CHD6: variants seen among roughly 807,000 people sequenced by gnomAD.
The protein encoded by CHD6 is chromodomain helicase DNA binding protein 6, also known as ATP-dependent chromatin remodeler CHD6.
Under a neutral mutation model 276.9 loss-of-function variants are expected in CHD6, and 50 were observed. The observed-to-expected ratio is 0.18, with a 90% CI of 0.14 to 0.23. The LOEUF is 0.23. CHD6 is among the 10% of genes least tolerant of loss of function. The pLI is 1.00. For synonymous variants in CHD6, 1,173 were observed against 1,229.3 expected (o/e 0.95, Z 0.96); for missense variants, 2,564 against 3,365.8 (o/e 0.76, Z 5.89).
chr20:41,437,160 A>T, intron 27 of CHD6, 114 bp downstream of exon 27: 1 of 735,168 alleles, frequency 1.4e-6, no homozygotes, highest in Non-Finnish European at 2.3e-6. Context: ...GTTGGGCAAA[A>T]TGCAATGTAA....
chr20:41,487,651 G>A lies in CHD6; in HGVS notation c.2001+14C>T. ...GATCACACTGTCTCCTCAATTCTTT[G>A]GGTCCCTAATTACCTGCTCCTCTGT... On this transcript the variant is annotated intron_variant, in intron 14 of 36. Coordinates refer to ENST00000373233, the MANE Select transcript of CHD6 (RefSeq NM_032221.5). The A allele has an allele frequency of 6.3e-7, 1 of 1,590,836 alleles. No homozygotes were observed. Among genetic ancestry groups the A allele is most frequent in the Non-Finnish European group, 8.5e-7 (1 of 1,173,674 alleles).
intron 17 of CHD6, among the ~76,000 whole-genome samples, chr20:41,460,454 G>C (rs1217434775): frequency 6.6e-6 from 1 of 152,204 alleles, no homozygotes; most frequent in African/African-American, 2.4e-5. Context: ...GGAAAAAGTG[G>C]TTTTGTGGGC....
At chr20:41,448,277 C>T (rs1279870953) in intron 23 of CHD6, among the ~76,000 whole-genome samples, 1 of 152,188 alleles carries the variant, frequency 6.6e-6, no homozygotes, top group African/African-American at 2.4e-5. Flanking sequence ...GCCACAGTGA[C>T]CTCTTAGGCA....
At position 41,616,515 on chromosome 20, in the gene CHD6, G is replaced by A. The variant is rs1410022098; in HGVS notation, c.-24+1825C>T. On this transcript the variant is annotated intron_variant, in intron 1 of 36. Transcript: ENST00000373233. The stretch of plus-strand genomic sequence containing the variant: ...AGAGAGACTCCAAAGCAAACAAAAC[G>A]GTGGGGAAAGATGTGTGCAGGATAG... Among the ~76,000 whole-genome samples the A allele has an allele frequency of 3.3e-5, 5 of 152,196 alleles. No homozygotes were observed. The East Asian group carries it at 7.7e-4, about 24-fold the overall frequency.
rs1664942782 is a variant in CHD6 at position 41,473,474 on chromosome 20, G to A, written c.2512C>T (p.Arg838Cys). ...CAGAACCGGTCGATGGCTGCCTGGC[G>A]CAGGTTTCCCCGTACTCGCCCATCA... ...RIDGRVRGNL[R>C]QAAIDRFCKP... The change falls in exon 17 of 37, where the codon CGC (arginine) becomes TGC (cysteine). Residue 838 changes from arginine to cysteine, a missense_variant. Arg to Cys is a radical substitution (Grantham distance 180). Transcript: ENST00000373233. This position sits in a 1 kb window ranked among gnomAD's most constrained non-coding sequence, Gnocchi z 4.1. The A allele has an allele frequency of 6.2e-7, 1 of 1,613,916 alleles. No homozygotes were observed. The highest frequency in any genetic ancestry group is 8.5e-7 in the Non-Finnish European group (1 of 1,179,986).
intron 3 of CHD6, among the ~76,000 whole-genome samples, chr20:41,517,121 G>C (rs961468224): frequency 6.6e-6 from 1 of 152,174 alleles, no homozygotes; most frequent in African/African-American, 2.4e-5. Flanking sequence ...CTGGAGACGG[G>C]CTTGCCTACC....
chr20:41,549,789 T>G (rs541702380), intron 2 of CHD6, among the ~76,000 whole-genome samples: 3 of 152,036 alleles, frequency 2.0e-5, no homozygotes, highest in Non-Finnish European at 1.5e-5. Flanking sequence ...GTTTTGAGGG[T>G]CTGGGGTTCT....
intron 1 of CHD6, among the ~76,000 whole-genome samples, chr20:41,568,948 T>A (rs2045387704): frequency 6.6e-6 from 1 of 152,226 alleles, no homozygotes; most frequent in African/African-American, 2.4e-5. Context: ...TTTCAAACTC[T>A]GGATTTTTCA....
chr20:41,416,866 G>T, intron 32 of CHD6, 72 bp from the exon 33 acceptor site: 1 of 1,300,718 alleles, frequency 7.7e-7, no homozygotes, highest in Non-Finnish European at 1.0e-6. Flanking sequence ...TTGAGATCAA[G>T]GGTTAAGCTT....
At chr20:41,534,844 C>T (rs1326385861) in intron 2 of CHD6, among the ~76,000 whole-genome samples, 1 of 152,038 alleles carries the variant, frequency 6.6e-6, no homozygotes, top group Non-Finnish European at 1.5e-5. Flanking sequence ...CTATCATATG[C>T]TTTTACCACA....
intron 2 of CHD6, among the ~76,000 whole-genome samples, chr20:41,542,179 G>A (rs1180129547): frequency 6.6e-6 from 1 of 152,194 alleles, no homozygotes; most frequent in Non-Finnish European, 1.5e-5. Flanking sequence ...AAGGCCAGGA[G>A]ATACATCTTT....
intron 14 of CHD6, among the ~76,000 whole-genome samples, chr20:41,486,889 A>C (rs2043427599): frequency 1.3e-5 from 2 of 151,128 alleles, no homozygotes; most frequent in Admixed American, 6.6e-5. Context: ...TCTTCTCTCC[A>C]CACCTGTTAA....
intron 1 of CHD6, chr20:41,564,145 A>ACC (rs2045330958): frequency 1.3e-6 from 1 of 751,176 alleles, no homozygotes; most frequent in South Asian, 1.4e-5. Flanking sequence ...TGAGACTGAC[A>ACC]CATGGGCTAA....
At chr20:41,504,255 A>C (rs922218252) in intron 5 of CHD6, among the ~76,000 whole-genome samples, 2 of 151,658 alleles carry the variant, frequency 1.3e-5, no homozygotes, top group Admixed American at 6.6e-5. Context: ...TGCTGCATCT[A>C]ATCTACTTAT....
chr20:41,453,563 G>A (rs1299108233), intron 20 of CHD6, among the ~76,000 whole-genome samples: 2 of 151,934 alleles, frequency 1.3e-5, no homozygotes, highest in South Asian at 2.1e-4. Context: ...TCTTCCCCAA[G>A]CCAGGCCAGC....
intron 1 of CHD6, among the ~76,000 whole-genome samples, chr20:41,617,520 C>T (rs997238338): frequency 6.6e-6 from 1 of 152,160 alleles, no homozygotes; most frequent in Non-Finnish European, 1.5e-5. Flanking sequence ...AGCTGCCAAC[C>T]CTCTGCACAT....
chr20:41,501,507 T>A (rs1048293414), intron 5 of CHD6, among the ~76,000 whole-genome samples: 4 of 152,232 alleles, frequency 2.6e-5, no homozygotes, highest in Admixed American at 6.5e-5. Flanking sequence ...ATGTAGTTCA[T>A]TCTTTTTTAA....
intron 25 of CHD6, among the ~76,000 whole-genome samples, chr20:41,444,758 G>A (rs1208074815): frequency 1.3e-5 from 2 of 152,098 alleles, no homozygotes. Context: ...TACATTTAAT[G>A]TAATATTTAA....
intron 19 of CHD6, among the ~76,000 whole-genome samples, chr20:41,455,143 G>T (rs982953994): frequency 6.6e-6 from 1 of 152,200 alleles, no homozygotes; most frequent in African/African-American, 2.4e-5. Flanking sequence ...AGTATGAGGT[G>T]TAGAGACAAG....
Sources: allele counts gnomAD v4.1 joint callset (sites outside exome capture counted in the v4.1 genomes callset), GRCh38; gene constraint gnomAD v4.1.1; non-coding constraint Gnocchi (gnomAD v3.1); transcripts MANE v1.5; gene names NCBI Gene and HGNC (gene_info 2026-07-23, HGNC 2026-07-21).